The following RCOR1 variants were observed in gnomAD, a reference collection of about 807,000 sequenced individuals.
The protein encoded by RCOR1 is REST corepressor 1.
RCOR1 carries 12 observed loss-of-function variants against 64.0 expected under a neutral mutation model. The ratio of observed to expected loss-of-function variants is 0.19; its 90% CI spans 0.12 to 0.30. The LOEUF (loss-of-function observed/expected upper bound fraction) is 0.30, where lower values mean the gene tolerates loss of function less well. Among genes scored for constraint, RCOR1 ranks in the 10% least tolerant of loss-of-function variants. The pLI, the probability that RCOR1 is intolerant of heterozygous loss-of-function variation, is 1.00. For missense variants in RCOR1, 502 were observed against 621.2 expected (o/e 0.81, Z 2.04); for synonymous variants, 279 against 227.2 (o/e 1.23, Z -2.05).
intron 11 of RCOR1, 125 bp from the exon 12 acceptor site, chr14:102,726,343 A>G (rs1896261969): frequency 8.4e-6 from 7 of 832,776 alleles, no homozygotes; most frequent in Non-Finnish European, 1.3e-5. Context: ...AAAAAAAAAA[A>G]AGAACTCGGT....
chr14:102,620,751 C>T (rs1171569354), intron 2 of RCOR1, among the ~76,000 whole-genome samples: 1 of 152,138 alleles, frequency 6.6e-6, no homozygotes, highest in Non-Finnish European at 1.5e-5. Context: ...AGCTGTTCCT[C>T]TGTGGCTTAC....
At chr14:102,703,874 C>T (rs1895797467) in intron 4 of RCOR1, among the ~76,000 whole-genome samples, 1 of 152,246 alleles carries the variant, frequency 6.6e-6, no homozygotes, top group Non-Finnish European at 1.5e-5. Context: ...TCAAGGAGCA[C>T]TCTCCCTGCC....
Position 102,592,879 on chromosome 14 carries a change from C to T in RCOR1, c.-8C>T. On this transcript the variant is annotated 5_prime_UTR_variant, in exon 1 of 12. Coordinates refer to ENST00000262241, the MANE Select transcript of RCOR1 (RefSeq NM_015156.4). ...CCCGCCACTTTCGCACGGCCCCGGC[C>T]CCCGCCGATGCCGGCCATGGTGGAG... is the stretch of plus-strand genomic sequence containing the variant. The T allele has an allele frequency of 8.2e-7, 1 of 1,225,996 alleles. No individual in the cohort carries two copies. Among genetic ancestry groups the T allele is most frequent in the Non-Finnish European group, 1.0e-6 (1 of 981,732 alleles). The allele number at this position is 1,225,996 out of a possible 1,614,324, so 75.9% of individuals were successfully genotyped here. A position where few individuals can be genotyped will look rare whatever the true frequency, so the allele number is the denominator to read the frequency against.
intron 2 of RCOR1, among the ~76,000 whole-genome samples, chr14:102,676,045 TTTTC>T (rs1296201208): frequency 2.0e-5 from 3 of 151,998 alleles, no homozygotes; most frequent in South Asian, 2.1e-4. Context: ...TTTTTTTTTT[TTTTC>T]CCCAAGGCAG....
At chr14:102,685,375 T>C (rs1363000642) in intron 3 of RCOR1, among the ~76,000 whole-genome samples, 3 of 152,196 alleles carry the variant, frequency 2.0e-5, no homozygotes, top group African/African-American at 7.2e-5. Flanking sequence ...AAATTACCTG[T>C]ATTACCTATT....
rs903963734 is a variant in RCOR1, at chr14:102,727,571, G to A, written c.*1065G>A. On this transcript the variant is annotated 3_prime_UTR_variant, in exon 12 of 12. Coordinates refer to ENST00000262241, the MANE Select transcript of RCOR1 (RefSeq NM_015156.4). ...GCTGCGCGTTGTTCCGCGTTCTCTC[G>A]GTGTGCCTGGCCTTTTATGTGGCAC... The A allele has an allele frequency of 6.6e-5, 10 of 152,088 alleles. No individual in the cohort carries two copies. Among genetic ancestry groups the A allele is most frequent in the South Asian group, 2.1e-4 (1 of 4,804 alleles). The allele number at this position is 152,088 out of a possible 1,614,324, so 9.4% of individuals were successfully genotyped here.
chr14:102,635,864 G>T (rs973682475), intron 2 of RCOR1, among the ~76,000 whole-genome samples: 5 of 152,214 alleles, frequency 3.3e-5, no homozygotes, highest in African/African-American at 1.2e-4. Flanking sequence ...GATCACTTAT[G>T]CCCAGCAATT....
rs1262892181 is a variant in RCOR1 at position 102,711,086 on chromosome 14, G to C, written c.858+73G>C. The C allele has an allele frequency of 4.1e-6, 4 of 966,312 alleles. No individual in the cohort carries two copies. The East Asian group carries it at 1.0e-4, about 24-fold the overall frequency. 59.9% of individuals were successfully genotyped at this position (966,312 alleles called of 1,614,324 possible). On this transcript the variant is annotated intron_variant, in intron 7 of 11. Transcript: ENST00000262241. ...GTTTCATAAATAAAACATTCATGTT[G>C]CTTGTTCTACTTAATATATTAAGTG...
chr14:102,613,687 T>G (rs1452959942), intron 2 of RCOR1, among the ~76,000 whole-genome samples: 3 of 151,364 alleles, frequency 2.0e-5, no homozygotes, highest in Non-Finnish European at 4.4e-5. Context: ...CCCAAAGTGC[T>G]GGGATTACAG....
At chr14:102,640,159 TTTTTA>T (rs1894337429) in intron 2 of RCOR1, among the ~76,000 whole-genome samples, 1 of 151,988 alleles carries the variant, frequency 6.6e-6, no homozygotes, top group African/African-American at 2.4e-5. Flanking sequence ...ATATATGTAT[TTTTTA>T]TTTGAGTTTG....
chr14:102,601,460 A>G (rs1324553223), intron 2 of RCOR1, among the ~76,000 whole-genome samples: 1 of 152,224 alleles, frequency 6.6e-6, no homozygotes, highest in African/African-American at 2.4e-5. Flanking sequence ...ACAGAATTAG[A>G]TGTGCAAGAG....
rs1595216486 is a variant in RCOR1, at chr14:102,658,552, T to C, written c.362-23343T>C. The C allele has an allele frequency of 5.1e-6, 5 of 985,360 alleles. No homozygotes were observed. In the East Asian group the frequency reaches 5.7e-4, roughly 112 times the overall value. The allele number at this position is 985,360 out of a possible 1,614,324, so 61.0% of individuals were successfully genotyped here. A position where few individuals can be genotyped will look rare whatever the true frequency, so the allele number is the denominator to read the frequency against. On this transcript the variant is annotated intron_variant, in intron 2 of 11. Coordinates refer to ENST00000262241, the MANE Select transcript of RCOR1 (RefSeq NM_015156.4). The stretch of plus-strand genomic sequence containing the variant: ...TTATGGAAAGTTTTTAGAATGTGAC[T>C]CTTTTCTCAGGAACAGGATGGCTAC...
At chr14:102,721,713 T>A (rs1218617360) in intron 10 of RCOR1, among the ~76,000 whole-genome samples, 1 of 152,128 alleles carries the variant, frequency 6.6e-6, no homozygotes, top group Non-Finnish European at 1.5e-5. Context: ...CCTTTGGGCT[T>A]TTTTCTTTTC....
In RCOR1 at chr14:102,660,617, T is replaced by C. The variant is rs1894809203; in HGVS notation, c.362-21278T>C. On this transcript the variant is annotated intron_variant, in intron 2 of 11. Coordinates refer to ENST00000262241, the MANE Select transcript of RCOR1 (RefSeq NM_015156.4). ...ACTCCTGGCTTCAAGTGGTTCTCCC[T>C]ACTTGGCCTCCCACAGTTTGATTAG... Among the ~76,000 whole-genome samples, 3 of 152,290 alleles carry C rather than the reference T, an allele frequency of 2.0e-5. No individual in the cohort carries two copies. The East Asian group carries it at 5.8e-4, about 29-fold the overall frequency.
Position 102,613,050 on chromosome 14 carries a change from T to G in RCOR1, c.361+19725T>G, listed in dbSNP as rs115603339. On this transcript the variant is annotated intron_variant, in intron 2 of 11. Coordinates refer to ENST00000262241, the MANE Select transcript of RCOR1 (RefSeq NM_015156.4). ...AAGGAGTATAGGTGGTTTTTTTGGT[T>G]GTTGTTGTTGTTTGTTTTGTTTTTT... is the stretch of plus-strand genomic sequence containing the variant. Among the ~76,000 whole-genome samples, 1,026 of 151,616 alleles carry G rather than the reference T, an allele frequency of 6.8e-3. 9 individuals carry two copies. The highest frequency in any genetic ancestry group is 0.023 in the African/African-American group (937 of 41,402).
At chr14:102,710,125 TTCC>T (rs1895929619) in intron 6 of RCOR1, among the ~76,000 whole-genome samples, 1 of 152,224 alleles carries the variant, frequency 6.6e-6, no homozygotes. Flanking sequence ...TGGACACTCT[TTCC>T]TCAGCTAGAG....
intron 4 of RCOR1, among the ~76,000 whole-genome samples, chr14:102,706,693 G>A (rs1311601498): frequency 1.3e-5 from 2 of 152,098 alleles, no homozygotes; most frequent in Non-Finnish European, 2.9e-5. Flanking sequence ...CGGGTGTGGT[G>A]GCATGTGCCT....
chr14:102,680,116 C>T (rs912209172), intron 2 of RCOR1, among the ~76,000 whole-genome samples: 3 of 151,930 alleles, frequency 2.0e-5, no homozygotes, highest in Admixed American at 1.3e-4. Context: ...ACACATCTTA[C>T]TTTATCCCTA....
chr14:102,667,216 A>G (rs1341440646), intron 2 of RCOR1, among the ~76,000 whole-genome samples: 3 of 151,820 alleles, frequency 2.0e-5, no homozygotes, highest in Non-Finnish European at 4.4e-5. Flanking sequence ...AAAATAAAGA[A>G]TGGGCTGGGC....
Sources: allele counts gnomAD v4.1 joint callset (sites outside exome capture counted in the v4.1 genomes callset), GRCh38; gene constraint gnomAD v4.1.1; transcripts MANE v1.5; gene names NCBI Gene and HGNC (gene_info 2026-07-23, HGNC 2026-07-21).